PTPRM: variants seen among roughly 807,000 people sequenced by gnomAD.
PTPRM encodes the protein protein tyrosine phosphatase receptor type M.
Under a neutral mutation model 186.7 loss-of-function variants are expected in PTPRM, and 47 were observed. The ratio of observed to expected loss-of-function variants is 0.25; its 90% CI spans 0.20 to 0.32. The LOEUF (loss-of-function observed/expected upper bound fraction) is 0.32. Among genes scored for constraint, PTPRM ranks in the 10% least tolerant of loss-of-function variants. PTPRM has a pLI of 1.00. For synonymous variants in PTPRM, 668 were observed against 674.9 expected (o/e 0.99, Z 0.16); for missense variants, 1,494 against 1,865.0 (o/e 0.80, Z 3.66).
At chr18:7,721,027 A>G (rs527531786) in intron 1 of PTPRM, among the ~76,000 whole-genome samples, 269 of 152,144 alleles carry the variant, frequency 1.8e-3, no homozygotes, top group African/African-American at 6.3e-3. Flanking sequence ...TCTATTTTAA[A>G]CTTTTTGAGG....
chr18:7,785,736 C>G (rs931239241), intron 2 of PTPRM, among the ~76,000 whole-genome samples: 1 of 152,148 alleles, frequency 6.6e-6, no homozygotes, highest in African/African-American at 2.4e-5. Flanking sequence ...CTGAGCATAT[C>G]GTGATGATCA....
intron 24 of PTPRM, among the ~76,000 whole-genome samples, chr18:8,373,449 C>G (rs1003932844): frequency 6.6e-6 from 1 of 152,122 alleles, no homozygotes; most frequent in African/African-American, 2.4e-5. Flanking sequence ...ATACACAGTA[C>G]CCAGAGTGTC....
chr18:7,594,193 A>G (rs1271047843), intron 1 of PTPRM, among the ~76,000 whole-genome samples: 1 of 152,224 alleles, frequency 6.6e-6, no homozygotes, highest in Non-Finnish European at 1.5e-5. Flanking sequence ...GAAGTGGGTC[A>G]TAAAAAGAAA....
At chr18:8,201,198 C>T (rs897536167) in intron 14 of PTPRM, among the ~76,000 whole-genome samples, 2 of 152,186 alleles carry the variant, frequency 1.3e-5, no homozygotes, top group African/African-American at 2.4e-5. Context: ...CACCTGTAGC[C>T]CCAGCTACTC....
intron 23 of PTPRM, among the ~76,000 whole-genome samples, chr18:8,365,337 G>A (rs775755414): frequency 9.2e-5 from 14 of 152,156 alleles, no homozygotes; most frequent in African/African-American, 1.7e-4. Context: ...GAAAAGGATC[G>A]AGACCAGCCT....
At chr18:7,999,676 TG>T (rs1190912557) in intron 7 of PTPRM, among the ~76,000 whole-genome samples, 1 of 151,732 alleles carries the variant, frequency 6.6e-6, no homozygotes, top group East Asian at 2.0e-4. Flanking sequence ...TAATATAATG[TG>T]TTGATGCTAA....
At chr18:8,151,448 GC>G (rs2093002901) in intron 14 of PTPRM, among the ~76,000 whole-genome samples, 1 of 151,664 alleles carries the variant, frequency 6.6e-6, no homozygotes, top group East Asian at 2.0e-4. Context: ...GCCTACTCAA[GC>G]CTCAGCAATG....
chr18:7,847,800 A>G (rs890714605), intron 2 of PTPRM, among the ~76,000 whole-genome samples: 2 of 152,178 alleles, frequency 1.3e-5, no homozygotes, highest in African/African-American at 4.8e-5. Flanking sequence ...ACTGTTACCA[A>G]GGGTGGAGAA....
chr18:7,777,917 G>A (rs1346684713), intron 2 of PTPRM, among the ~76,000 whole-genome samples: 1 of 152,170 alleles, frequency 6.6e-6, no homozygotes, highest in African/African-American at 2.4e-5. Context: ...GGGAGGCTGA[G>A]GTGAGAGGAT....
rs559308075 is a variant in PTPRM at position 7,753,802 on chromosome 18, T to C, written c.74-20347T>C. Reference sequence around the variant, plus strand: ...GTTTTGGCCGTATTTGCTAATGTTATTGGTGGAGTCATACCATTTTCTGTT... The same window carrying C: ...GTTTTGGCCGTATTTGCTAATGTTACTGGTGGAGTCATACCATTTTCTGTT... On this transcript the variant is annotated intron_variant, in intron 1 of 32. Coordinates refer to ENST00000580170, the MANE Select transcript of PTPRM (RefSeq NM_001105244.2). Among the ~76,000 whole-genome samples, 435 of 152,356 alleles carry C rather than the reference T, an allele frequency of 2.9e-3. 2 individuals carry two copies. The highest frequency in any genetic ancestry group is 5.0e-3 in the Non-Finnish European group (342 of 68,028).
At chr18:8,207,692 T>C (rs968322619) in intron 14 of PTPRM, among the ~76,000 whole-genome samples, 1 of 152,254 alleles carries the variant, frequency 6.6e-6, no homozygotes, top group Non-Finnish European at 1.5e-5. Context: ...CTTCTCTATA[T>C]GTTTTAGATT....
At chr18:8,063,156 C>T (rs2088734884) in intron 7 of PTPRM, among the ~76,000 whole-genome samples, 2 of 151,582 alleles carry the variant, frequency 1.3e-5, no homozygotes, top group South Asian at 2.1e-4. Context: ...GATATAGTCT[C>T]GTGGTGCGCC....
intron 4 of PTPRM, among the ~76,000 whole-genome samples, chr18:7,917,964 T>C (rs1361502855): frequency 6.6e-6 from 1 of 152,172 alleles, no homozygotes; most frequent in Non-Finnish European, 1.5e-5. Context: ...CTTATTTCAC[T>C]TAACATAAGG....
chr18:7,833,196 A>G (rs964402765), intron 2 of PTPRM, among the ~76,000 whole-genome samples: 9 of 152,104 alleles, frequency 5.9e-5, no homozygotes, highest in Non-Finnish European at 1.2e-4. Context: ...GAATCTGTAG[A>G]TTACTTGGGT....
At chr18:8,164,960 C>T (rs913687220) in intron 14 of PTPRM, among the ~76,000 whole-genome samples, 4 of 151,864 alleles carry the variant, frequency 2.6e-5, no homozygotes, top group African/African-American at 9.7e-5. Context: ...GTCAAAAGAC[C>T]GAAACCATCC....
intron 7 of PTPRM, among the ~76,000 whole-genome samples, chr18:7,996,595 G>A (rs542137596): frequency 1.3e-3 from 204 of 152,038 alleles, no homozygotes; most frequent in African/African-American, 4.4e-3. Flanking sequence ...GGAAGAAGTC[G>A]GATTGTCCTT....
intron 1 of PTPRM, among the ~76,000 whole-genome samples, chr18:7,772,922 A>C (rs1433639266): frequency 6.6e-6 from 1 of 152,160 alleles, no homozygotes; most frequent in Non-Finnish European, 1.5e-5. Context: ...GAATTTTCAT[A>C]ATAATTAATA....
intron 2 of PTPRM, among the ~76,000 whole-genome samples, chr18:7,798,734 T>C (rs73395410): frequency 2.0e-5 from 3 of 152,204 alleles, no homozygotes; most frequent in South Asian, 2.1e-4. Context: ...TCTCTCCTTA[T>C]GTCTTCTTAA....
At chr18:7,650,360 T>A (rs989798340) in intron 1 of PTPRM, among the ~76,000 whole-genome samples, 10 of 151,712 alleles carry the variant, frequency 6.6e-5, no homozygotes, top group African/African-American at 2.2e-4. Context: ...AAGCCAATGA[T>A]CATTTTGCTT....
Sources: allele counts gnomAD v4.1 joint callset (sites outside exome capture counted in the v4.1 genomes callset), GRCh38; gene constraint gnomAD v4.1.1; transcripts MANE v1.5; gene names NCBI Gene and HGNC (gene_info 2026-07-23, HGNC 2026-07-21).